The following MLH3 variants were observed in gnomAD, a reference collection of about 807,000 sequenced individuals.
MLH3 encodes mutL homolog 3, also known as DNA mismatch repair protein Mlh3.
MLH3 carries 82 observed loss-of-function variants against 122.2 expected under a neutral mutation model. The observed-to-expected ratio is 0.67, with a 90% CI of 0.56 to 0.81. The LOEUF is 0.81. MLH3 is among the 30% of genes least tolerant of loss of function. MLH3 has a pLI of 0.00. For synonymous variants in MLH3, 524 were observed against 599.5 expected (o/e 0.87, Z 1.84); for missense variants, 1,539 against 1,714.5 (o/e 0.90, Z 1.81).
rs757591281 is a variant in MLH3 at position 75,041,620 on chromosome 14, G to C, written c.3460C>G (p.Pro1154Ala). The C allele has an allele frequency of 6.2e-7, 1 of 1,612,422 alleles. No individual in the cohort carries two copies. Residue 1154 changes from proline (P) to alanine (A), a missense_variant, in exon 4 of 13, where the codon CCA (proline) becomes GCA (alanine). Pro to Ala is a conservative substitution (Grantham distance 27, BLOSUM62 -1). Coordinates refer to ENST00000355774, the MANE Select transcript of MLH3 (RefSeq NM_001040108.2). Reference sequence around the variant, plus strand: ...AAAAACTGCTACAGACCCACCTCTGGATAACGGGCAAATACTGGATTGTCC... The same window carrying C: ...AAAAACTGCTACAGACCCACCTCTGCATAACGGGCAAATACTGGATTGTCC... The part of the protein sequence containing the change: ...EWDNPVFARY[P>A]EVAVDVSSGQ...
intron 9 of MLH3, among the ~76,000 whole-genome samples, chr14:75,025,680 T>C (rs775628481): frequency 3.3e-5 from 5 of 152,166 alleles, no homozygotes; most frequent in African/African-American, 4.8e-5. Flanking sequence ...AATATATATA[T>C]ACTGTTAACT....
intron 11 of MLH3, 96 bp from the exon 12 acceptor site, chr14:75,019,076 G>T: frequency 2.6e-6 from 3 of 1,134,940 alleles, no homozygotes; most frequent in Non-Finnish European, 3.9e-6. Flanking sequence ...AAAGTAACAT[G>T]TTTCTTAGGC....
intron 11 of MLH3, among the ~76,000 whole-genome samples, chr14:75,019,476 A>C (rs1890132673): frequency 1.3e-5 from 2 of 150,914 alleles, no homozygotes; most frequent in African/African-American, 4.9e-5. Context: ...GATGAAACTA[A>C]GGCTTCAGGA....
At chr14:75,030,764 C>T in intron 8 of MLH3, 62 bp from the exon 9 acceptor site, 1 of 1,416,834 alleles carries the variant, frequency 7.1e-7, no homozygotes, top group Non-Finnish European at 9.9e-7. Context: ...CACTTCACTA[C>T]TGGTTCCAAA....
intron 9 of MLH3, among the ~76,000 whole-genome samples, chr14:75,029,650 C>T (rs1890905403): frequency 6.6e-6 from 1 of 152,122 alleles, no homozygotes; most frequent in South Asian, 2.1e-4. Context: ...ATTCTCCTGC[C>T]TCAGCCTCCT....
chr14:75,048,975 A>G lies in MLH3; in HGVS notation c.681T>C (p.Ser227=). The change falls in exon 2 of 13, where the codon AGT becomes AGC. Residue 227 remains serine (S), a synonymous_variant. Coordinates refer to ENST00000355774, the MANE Select transcript of MLH3 (RefSeq NM_001040108.2). The part of the protein sequence containing the change: ...LGKSQKLREI[S]FKYKEFELSG... The stretch of plus-strand genomic sequence containing the variant: ...TAAGCTCAAACTCTTTATATTTAAA[A>G]CTTATTTCTCTTAGCTTTTGGGACT... 6.2e-7 allele frequency: 1 copy of G among 1,613,734 alleles called. No individual in the cohort carries two copies. Among genetic ancestry groups the G allele is most frequent in the Non-Finnish European group, 8.5e-7 (1 of 1,179,890 alleles).
chr14:75,029,369 C>T (rs175067), intron 9 of MLH3, among the ~76,000 whole-genome samples: 149,969 of 152,166 alleles, frequency 0.99, 73,931 homozygotes, highest in East Asian at 1. Context: ...AGTGTACCTG[C>T]GCAGTTCAGA....
intron 1 of MLH3, 42 bp from the exon 2 acceptor site, chr14:75,049,760 T>G: frequency 1.8e-6 from 2 of 1,116,084 alleles, no homozygotes; most frequent in Non-Finnish European, 2.6e-6. Flanking sequence ...ATCAAAGCTT[T>G]AGCATTACAC....
Position 75,046,364 on chromosome 14 carries a change from C to T in MLH3, c.3280+12G>A, listed in dbSNP as rs767373997. On this transcript the variant is annotated intron_variant, in intron 2 of 12. Coordinates refer to ENST00000355774, the MANE Select transcript of MLH3 (RefSeq NM_001040108.2). ...CAAAAGCATCTCATGCACATGAATA[C>T]TACGTACTTACCATTCTCAAGTACA... 6.2e-7 allele frequency: 1 copy of T among 1,613,802 alleles called. No homozygotes were observed. Among genetic ancestry groups the T allele is most frequent in the Non-Finnish European group, 8.5e-7 (1 of 1,179,688 alleles).
chr14:75,043,285 CT>C (rs1891996581), intron 2 of MLH3, among the ~76,000 whole-genome samples: 1 of 152,206 alleles, frequency 6.6e-6, no homozygotes, highest in South Asian at 2.1e-4. Context: ...CAACTTATGT[CT>C]CTTATCTCCA....
At position 75,042,389 on chromosome 14, in the gene MLH3, CTG is replaced by C. The variant is rs1891915519; in HGVS notation, c.3367_3368del (p.Gln1123GlyfsTer2). ...RARAERTVMRQDNRDTVDDTV... is the reference protein window; with the variant it reads ...RARAERTVMRXDNRDTVDDTV... ...CTCTGCCACCCTTACCTCTGTTATC[CTG>C]TCTCATCACAGTCCTCTCTGCTCGA... On this transcript the variant is annotated frameshift_variant, in exon 3 of 13. Transcript: ENST00000355774. LOFTEE classifies it high-confidence loss of function. 1 of 1,613,944 alleles carries C rather than the reference CTG, an allele frequency of 6.2e-7. No individual in the cohort carries two copies. The highest frequency in any genetic ancestry group is 8.5e-7 in the Non-Finnish European group (1 of 1,179,920).
chr14:75,028,060 CAGGAA>C (rs1461930493), intron 9 of MLH3, among the ~76,000 whole-genome samples: 1 of 146,326 alleles, frequency 6.8e-6, no homozygotes. Flanking sequence ...TAATAGAAAA[CAGGAA>C]AGGAGAGGAA....
In MLH3 at chr14:75,022,717, G is replaced by A. The variant is rs539222796; in HGVS notation, c.4090+97C>T. 9.1e-6 allele frequency: 9 copies of A among 990,342 alleles called. No homozygotes were observed. In the African/African-American group the frequency reaches 1.3e-4, roughly 14 times the overall value. 61.3% of individuals were successfully genotyped at this position (990,342 alleles called of 1,614,324 possible). ...CTAAATTGTATTCTCCAAGAGTCAA[G>A]TAGTAAATGTACCCTCTGCCTCTTT... On this transcript the variant is annotated intron_variant, in intron 11 of 12. Transcript: ENST00000355774.
chr14:75,021,759 A>C (rs1387551152), intron 11 of MLH3, among the ~76,000 whole-genome samples: 3 of 152,240 alleles, frequency 2.0e-5, no homozygotes, highest in African/African-American at 4.8e-5. Flanking sequence ...CCACTGTGGA[A>C]AACAGTTTAG....
At position 75,049,548 on chromosome 14, in the gene MLH3, A is replaced by G. The variant is rs1480052209; in HGVS notation, c.108T>C (p.Ala36=). 3 of 1,614,238 alleles carry G rather than the reference A, an allele frequency of 1.9e-6. No homozygotes were observed. The highest frequency in any genetic ancestry group is 2.5e-6 in the Non-Finnish European group (3 of 1,180,042). ...CCCTGACAGCCACACATTTTGCTTC[A>G]GCATCAATACTGTTGAGGGCAAGTT... ...VEELALNSID[A]EAKCVAVRVN... The change falls in exon 2 of 13, where the codon GCT becomes GCC. Residue 36 remains alanine, a synonymous_variant. Coordinates refer to ENST00000355774, the MANE Select transcript of MLH3 (RefSeq NM_001040108.2).
chr14:75,035,390 C>T (rs1025819688), intron 6 of MLH3, among the ~76,000 whole-genome samples: 3 of 152,040 alleles, frequency 2.0e-5, no homozygotes, highest in African/African-American at 7.2e-5. Flanking sequence ...GCGTGGGTGG[C>T]GGGTGCCTGT....
At chr14:75,018,369 T>C (rs1282367026) in intron 12 of MLH3, among the ~76,000 whole-genome samples, 1 of 152,178 alleles carries the variant, frequency 6.6e-6, no homozygotes, top group East Asian at 1.9e-4. Flanking sequence ...TGTCTGATGA[T>C]CCTCAAACCA....
intron 11 of MLH3, 83 bp downstream of exon 11, chr14:75,022,731 C>A: frequency 8.9e-7 from 1 of 1,128,376 alleles, no homozygotes; most frequent in Non-Finnish European, 1.4e-6. Context: ...TAAATGTACC[C>A]TCTGCCTCTT....
At position 75,032,760 on chromosome 14, in the gene MLH3, A is replaced by G. The variant is rs997253821; in HGVS notation, c.3716-581T>C. ...AACTCTTTGACATTACTCATTGGCCACAGGAGTAAAGACTTTCCTGGTATT... is the reference window on the plus strand; with the variant it reads ...AACTCTTTGACATTACTCATTGGCCGCAGGAGTAAAGACTTTCCTGGTATT... On this transcript the variant is annotated intron_variant, in intron 7 of 12. Transcript: ENST00000355774. Among the ~76,000 whole-genome samples, 5 of 151,086 alleles carry G rather than the reference A, an allele frequency of 3.3e-5. 1 individual carries two copies. Among genetic ancestry groups the G allele is most frequent in the Non-Finnish European group, 5.9e-5 (4 of 67,848 alleles).
Sources: gnomAD v4.1 joint callset for allele counts (sites outside exome capture counted in the v4.1 genomes callset) on GRCh38, gnomAD v4.1.1 for gene constraint, MANE v1.5 for transcripts, NCBI Gene and HGNC (gene_info 2026-07-23, HGNC 2026-07-21) for gene names.